TEKT3: variants seen among roughly 807,000 people sequenced by gnomAD.
TEKT3 encodes the protein tektin 3, also known as tektin-3.
A neutral mutation model predicts 49.8 loss-of-function variants in TEKT3; 49 were observed. The ratio of observed to expected loss-of-function variants is 0.98; its 90% CI spans 0.78 to 1.25. The LOEUF (loss-of-function observed/expected upper bound fraction) is 1.25. Among genes scored for constraint, TEKT3 ranks in the 50% most tolerant of loss-of-function variants. The pLI, the probability that TEKT3 is intolerant of heterozygous loss-of-function variation, is 0.00. For synonymous variants in TEKT3, 225 were observed against 237.2 expected (o/e 0.95, Z 0.47); for missense variants, 595 against 629.5 (o/e 0.95, Z 0.59).
intron 8 of TEKT3, among the ~76,000 whole-genome samples, chr17:15,305,962 C>A (rs1910527883): frequency 1.3e-5 from 2 of 151,994 alleles, no homozygotes; most frequent in Admixed American, 1.3e-4. Flanking sequence ...TTGTTCTTGG[C>A]TGATTGCAGA....
intron 1 of TEKT3, among the ~76,000 whole-genome samples, chr17:15,341,142 G>A (rs1912214052): frequency 6.6e-6 from 1 of 152,216 alleles, no homozygotes. Flanking sequence ...GAAGCAGAGG[G>A]GGACGAGGAA....
In TEKT3 at chr17:15,304,202, A is replaced by G. The variant is rs1480033146; in HGVS notation, c.1257-50T>C. 1 of 1,574,746 alleles carries G rather than the reference A, an allele frequency of 6.4e-7. No homozygotes were observed. On this transcript the variant is annotated intron_variant, in intron 8 of 8. Coordinates refer to ENST00000395930, the MANE Select transcript of TEKT3 (RefSeq NM_031898.3). This position sits in a 1 kb window ranked among gnomAD's most constrained non-coding sequence, Gnocchi z 4.7. ...GTTAGGTCAGCATGTAGCTTACGCA[A>G]CTCCAAGTACATCACATTGTAACCA...
Position 15,308,682 on chromosome 17 carries a change from C to T in TEKT3, c.1238G>A (p.Arg413Gln), listed in dbSNP as rs547883772. Residue 413 changes from arginine (R) to glutamine (Q), a missense_variant, in exon 8 of 9, where the codon CGA (arginine) becomes CAA (glutamine). Physicochemically the swap from Arg to Gln is conservative, Grantham distance 43. Coordinates refer to ENST00000395930, the MANE Select transcript of TEKT3 (RefSeq NM_031898.3). ...RTRRPNIELC[R>Q]DMAQLRLVNE... Reference sequence around the variant, plus strand: ...ACCTTACCGTAGCTGAGCCATGTCTCGGCACAACTCAATGTTCGGCCGTCT... The same window carrying T: ...ACCTTACCGTAGCTGAGCCATGTCTTGGCACAACTCAATGTTCGGCCGTCT... 5.6e-6 allele frequency: 9 copies of T among 1,609,820 alleles called. No individual in the cohort carries two copies. Among genetic ancestry groups the T allele is most frequent in the Admixed American group, 5.0e-5 (3 of 59,984 alleles).
At chr17:15,327,583 C>T (rs550972692) in intron 4 of TEKT3, among the ~76,000 whole-genome samples, 4 of 151,414 alleles carry the variant, frequency 2.6e-5, no homozygotes, top group Admixed American at 6.6e-5. Context: ...ATGAGTATAC[C>T]CTATTCAAAT....
chr17:15,315,283 A>G (rs1910950852), intron 5 of TEKT3, among the ~76,000 whole-genome samples: 1 of 152,206 alleles, frequency 6.6e-6, no homozygotes, highest in African/African-American at 2.4e-5. Flanking sequence ...TTGAGCAAAG[A>G]CATAAAAAAG....
At chr17:15,317,109 G>A (rs1017157718) in intron 5 of TEKT3, among the ~76,000 whole-genome samples, 2 of 152,132 alleles carry the variant, frequency 1.3e-5, no homozygotes, top group Non-Finnish European at 2.9e-5. Flanking sequence ...ACAAATCCTG[G>A]AGAAGCCATC....
chr17:15,304,565 A>C lies in TEKT3; in HGVS notation c.1257-413T>G, dbSNP rs1910462380. On this transcript the variant is annotated intron_variant, in intron 8 of 8. Coordinates refer to ENST00000395930, the MANE Select transcript of TEKT3 (RefSeq NM_031898.3). This position sits in a 1 kb window ranked among gnomAD's most constrained non-coding sequence, Gnocchi z 4.7. Reference sequence around the variant, plus strand: ...TCCTTTCCATCGACACAGGGCCCACATGTGTTTGTAAGCTGTACCTGCTTA... The same window carrying C: ...TCCTTTCCATCGACACAGGGCCCACCTGTGTTTGTAAGCTGTACCTGCTTA... 6.6e-6 allele frequency among the ~76,000 whole-genome samples: 1 copy of C among 152,090 alleles called. No individual in the cohort carries two copies. The highest frequency in any genetic ancestry group is 2.1e-4 in the South Asian group (1 of 4,818).
intron 2 of TEKT3, among the ~76,000 whole-genome samples, chr17:15,333,890 G>A (rs528826711): frequency 4.0e-5 from 6 of 151,748 alleles, no homozygotes; most frequent in African/African-American, 1.5e-4. Flanking sequence ...AGCCTCCCGA[G>A]TAGCTGGGAC....
At position 15,331,480 on chromosome 17, in the gene TEKT3, G is replaced by C; in HGVS notation, c.106C>G (p.Arg36Gly). Residue 36 changes from arginine (R) to glycine (G), a missense_variant, in exon 3 of 9, where the codon CGC becomes GGC. Transcript: ENST00000395930. ...ISTMASSYRD[R>G]FPHSNLTHSL... is the part of the protein sequence containing the mutation. ...TGGGTCAAATTGGAGTGGGGAAAGCGGTCCCTGTAGCTTGAGGCCATGGTA... is the reference window on the plus strand; with the variant it reads ...TGGGTCAAATTGGAGTGGGGAAAGCCGTCCCTGTAGCTTGAGGCCATGGTA... 2 of 1,614,128 alleles carry C rather than the reference G, an allele frequency of 1.2e-6. No individual in the cohort carries two copies. Among genetic ancestry groups the C allele is most frequent in the Non-Finnish European group, 1.7e-6 (2 of 1,180,024 alleles).
chr17:15,320,475 A>G (rs1911203966), intron 4 of TEKT3, among the ~76,000 whole-genome samples: 1 of 152,206 alleles, frequency 6.6e-6, no homozygotes. Flanking sequence ...TATCAAATCT[A>G]TCAAATATAT....
intron 8 of TEKT3, among the ~76,000 whole-genome samples, chr17:15,307,547 A>G (rs1567572508): frequency 6.6e-6 from 1 of 152,242 alleles, no homozygotes; most frequent in Non-Finnish European, 1.5e-5. Flanking sequence ...CGCCATCATT[A>G]TCTTTACTAT....
At chr17:15,326,759 A>G (rs1306061366) in intron 4 of TEKT3, among the ~76,000 whole-genome samples, 1 of 152,194 alleles carries the variant, frequency 6.6e-6, no homozygotes, top group Non-Finnish European at 1.5e-5. Flanking sequence ...CCTGGGCTGA[A>G]AAAAGAGATT....
intron 5 of TEKT3, among the ~76,000 whole-genome samples, chr17:15,315,351 G>C (rs904113469): frequency 6.6e-6 from 1 of 152,128 alleles, no homozygotes; most frequent in African/African-American, 2.4e-5. Flanking sequence ...GTTTTCCTTC[G>C]AGTAAAATTG....
chr17:15,316,189 T>C (rs1351373328), intron 5 of TEKT3, among the ~76,000 whole-genome samples: 1 of 152,228 alleles, frequency 6.6e-6, no homozygotes, highest in Non-Finnish European at 1.5e-5. Flanking sequence ...CTAGAAGGCC[T>C]TTCTCCTTTG....
chr17:15,339,242 T>A (rs113240055), intron 2 of TEKT3, among the ~76,000 whole-genome samples: 4 of 152,150 alleles, frequency 2.6e-5, no homozygotes, highest in African/African-American at 4.8e-5. Flanking sequence ...AAGACCCCCA[T>A]CAGATGTAGC....
chr17:15,322,819 G>C (rs1406829641), intron 4 of TEKT3, among the ~76,000 whole-genome samples: 7 of 152,196 alleles, frequency 4.6e-5, no homozygotes, highest in Non-Finnish European at 5.9e-5. Flanking sequence ...TATAGGTGCA[G>C]ATATTTCATT....
At chr17:15,318,665 G>A in intron 5 of TEKT3, among the ~76,000 whole-genome samples, 1 of 152,020 alleles carries the variant, frequency 6.6e-6, no homozygotes, top group Non-Finnish European at 1.5e-5. Context: ...AACCTCCTAA[G>A]TAGCTAGGAC....
intron 2 of TEKT3, among the ~76,000 whole-genome samples, chr17:15,331,857 T>C (rs953160423): frequency 6.6e-6 from 1 of 152,206 alleles, no homozygotes; most frequent in Non-Finnish European, 1.5e-5. Context: ...ACTTTTGAAT[T>C]TTTGTGAAAA....
chr17:15,328,163 A>G (rs1911569321), intron 3 of TEKT3, 88 bp from the exon 4 acceptor site: 3 of 1,213,742 alleles, frequency 2.5e-6, no homozygotes, highest in Non-Finnish European at 3.6e-6. Context: ...AAATAAGTCA[A>G]TAGATACTCC....
Sources: allele counts gnomAD v4.1 joint callset (sites outside exome capture counted in the v4.1 genomes callset), GRCh38; gene constraint gnomAD v4.1.1; non-coding constraint Gnocchi (gnomAD v3.1); transcripts MANE v1.5; gene names NCBI Gene and HGNC (gene_info 2026-07-23, HGNC 2026-07-21).